The following USP45 variants were observed in gnomAD, a reference collection of about 807,000 sequenced individuals.
USP45 encodes ubiquitin carboxyl-terminal hydrolase 45.
A neutral mutation model predicts 95.8 loss-of-function variants in USP45; 89 were observed. The ratio of observed to expected loss-of-function variants is 0.93; its 90% CI spans 0.78 to 1.11. The LOEUF is 1.11. Ranked by LOEUF, USP45 falls within the 50% of genes least tolerant of loss-of-function variation. USP45 has a pLI of 0.00. For synonymous variants in USP45, 281 were observed against 316.2 expected, an observed-to-expected ratio of 0.89 and a Z score of 1.18; for missense variants, 898 against 942.5, an observed-to-expected ratio of 0.95 and a Z score of 0.62.
chr6:99,473,037 T>G (rs1188131114), intron 9 of USP45, among the ~76,000 whole-genome samples: 1 of 152,156 alleles, frequency 6.6e-6, no homozygotes, highest in Non-Finnish European at 1.5e-5. Flanking sequence ...CTTTTTTTTT[T>G]TCTTTTTTAG....
chr6:99,481,161 C>T (rs1792303982), intron 8 of USP45, among the ~76,000 whole-genome samples: 1 of 152,150 alleles, frequency 6.6e-6, no homozygotes, highest in African/African-American at 2.4e-5. Context: ...AGAATTTATC[C>T]TACAGATGTA....
At chr6:99,439,944 C>G (rs1781218725) in intron 15 of USP45, 89 bp from the exon 16 acceptor site, 3 of 971,650 alleles carry the variant, frequency 3.1e-6, no homozygotes, top group African/African-American at 3.4e-5. Context: ...AATTGTAGGA[C>G]TTAGTTTTTT....
chr6:99,477,741 C>A (rs1224923480), intron 8 of USP45, among the ~76,000 whole-genome samples: 2 of 152,182 alleles, frequency 1.3e-5, no homozygotes, highest in African/African-American at 2.4e-5. Flanking sequence ...AGAGGAAACA[C>A]CACTCCAGAC....
chr6:99,508,532 G>A, intron 3 of USP45, 78 bp downstream of exon 3: 1 of 1,382,750 alleles, frequency 7.2e-7, no homozygotes. Flanking sequence ...TCCTATGCAT[G>A]ACCAACAGTC....
In USP45 at chr6:99,467,737, C is replaced by T. The variant is rs182457122; in HGVS notation, c.1015+800G>A. ...ACTATCTCAACACAAAAGAACAAGGCATATTTGAGCAGCTACGTTTTTTAA... is the reference window on the plus strand; with the variant it reads ...ACTATCTCAACACAAAAGAACAAGGTATATTTGAGCAGCTACGTTTTTTAA... On this transcript the variant is annotated intron_variant, in intron 10 of 17. Coordinates refer to ENST00000500704, the MANE Select transcript of USP45 (RefSeq NM_001346022.3). 1.0e-3 allele frequency among the ~76,000 whole-genome samples: 159 copies of T among 152,046 alleles called. 1 individual carries two copies. The highest frequency in any genetic ancestry group is 3.4e-3 in the Middle Eastern group (1 of 294).
intron 1 of USP45, among the ~76,000 whole-genome samples, chr6:99,511,654 T>C (rs927322793): frequency 1.3e-5 from 2 of 151,906 alleles, no homozygotes; most frequent in Admixed American, 1.3e-4. Context: ...GATTTCCCCA[T>C]GTTGCCCAGG....
chr6:99,511,184 CTATTAT>C (rs71809544), intron 1 of USP45, among the ~76,000 whole-genome samples: 21 of 149,612 alleles, frequency 1.4e-4, no homozygotes, highest in African/African-American at 4.4e-4. Flanking sequence ...ATTATTATTA[CTATTAT>C]TATTATTATT....
At chr6:99,510,916 G>A (rs2128817424) in intron 1 of USP45, among the ~76,000 whole-genome samples, 1 of 152,144 alleles carries the variant, frequency 6.6e-6, no homozygotes, top group East Asian at 1.9e-4. Flanking sequence ...CTGCTAGCAA[G>A]GAAATAGTAG....
chr6:99,453,776 C>T (rs1183069696), intron 13 of USP45, among the ~76,000 whole-genome samples: 4 of 151,908 alleles, frequency 2.6e-5, no homozygotes, highest in Admixed American at 6.6e-5. Context: ...CTGGCCAGCA[C>T]GGTGAAACCC....
At chr6:99,473,587 T>C (rs796360288) in intron 9 of USP45, among the ~76,000 whole-genome samples, 22 of 151,592 alleles carry the variant, frequency 1.5e-4, no homozygotes, top group African/African-American at 4.8e-4. Flanking sequence ...GAAACCCCAT[T>C]TCTACTAAAA....
intron 13 of USP45, among the ~76,000 whole-genome samples, chr6:99,463,776 G>A (rs1409219303): frequency 2.2e-5 from 3 of 134,618 alleles, no homozygotes; most frequent in African/African-American, 8.2e-5. Flanking sequence ...CGCGCCACCT[G>A]GGCAACAGAG....
chr6:99,468,191 C>T (rs1217649326), intron 10 of USP45: 1 of 460,518 alleles, frequency 2.2e-6, no homozygotes, highest in Admixed American at 2.3e-5. Context: ...TCCATAAATC[C>T]ATTGATCCAA....
At chr6:99,455,819 TAA>T (rs35285232) in intron 13 of USP45, among the ~76,000 whole-genome samples, 497 of 44,322 alleles carry the variant, frequency 0.011, 3 homozygotes, top group Middle Eastern at 0.062. Flanking sequence ...ATGTGAGAGC[TAA>T]AAAAAAAAAA....
chr6:99,465,108 T>C lies in USP45; in HGVS notation c.1136A>G (p.Asp379Gly). 1 of 1,598,936 alleles carries C rather than the reference T, an allele frequency of 6.3e-7. No individual in the cohort carries two copies. Among genetic ancestry groups the C allele is most frequent in the Non-Finnish European group, 8.5e-7 (1 of 1,171,148 alleles). Residue 379 changes from aspartate (D) to glycine (G), a missense_variant, in exon 12 of 18, where the codon GAT becomes GGT. Coordinates refer to ENST00000500704, the MANE Select transcript of USP45 (RefSeq NM_001346022.3). ...NISTVKDPFI[D>G]ISLPIIEERV... is the part of the protein sequence containing the mutation. ...TTCTTCTATTATAGGAAGTGAAATA[T>C]CAATGAATGGATCTTTCACCGTGGA... is the stretch of plus-strand genomic sequence containing the variant.
At chr6:99,496,363 G>C (rs565695711) in intron 5 of USP45, among the ~76,000 whole-genome samples, 3 of 151,360 alleles carry the variant, frequency 2.0e-5, no homozygotes, top group African/African-American at 7.3e-5. Flanking sequence ...ATACTCAGAT[G>C]GAGTTTCAGA....
chr6:99,453,658 TA>T (rs1407509779), intron 13 of USP45, among the ~76,000 whole-genome samples: 1 of 152,106 alleles, frequency 6.6e-6, no homozygotes, highest in Non-Finnish European at 1.5e-5. Flanking sequence ...AAAACAATCC[TA>T]AAATATGTAT....
chr6:99,494,554 ATAAAAATTACTTCAACACT>A (rs1378812730), intron 5 of USP45, among the ~76,000 whole-genome samples: 1 of 152,206 alleles, frequency 6.6e-6, no homozygotes, highest in Non-Finnish European at 1.5e-5. Context: ...TTTTTCCAGC[ATAAAAATTACTTCAACACT>A]TAGAGATCCT....
chr6:99,497,257 G>T (rs1325228602), intron 5 of USP45, among the ~76,000 whole-genome samples: 1 of 152,038 alleles, frequency 6.6e-6, no homozygotes, highest in Non-Finnish European at 1.5e-5. Flanking sequence ...ATGGGGAAGG[G>T]GGAGGTAGAG....
chr6:99,464,032 C>T (rs757350333), intron 13 of USP45, among the ~76,000 whole-genome samples: 32 of 151,772 alleles, frequency 2.1e-4, no homozygotes, highest in Admixed American at 8.5e-4. Flanking sequence ...TAGTGCTGGG[C>T]GCAGTGGCTC....
Sources: allele counts gnomAD v4.1 joint callset (sites outside exome capture counted in the v4.1 genomes callset), GRCh38; gene constraint gnomAD v4.1.1; transcripts MANE v1.5; gene names NCBI Gene and HGNC (gene_info 2026-07-23, HGNC 2026-07-21).